Variants in RILPL1 observed in about 807,000 individuals in gnomAD.
RILPL1 encodes Rab interacting lysosomal protein like 1, also known as RILP-like protein 1.
In RILPL1, 33 loss-of-function variants were observed where a neutral mutation model predicts 50.3. The observed-to-expected ratio is 0.66, with a 90% CI of 0.50 to 0.88. RILPL1 has a LOEUF of 0.88. Among genes scored for constraint, RILPL1 ranks in the 40% least tolerant of loss-of-function variants. RILPL1 has a pLI of 0.00. For synonymous variants in RILPL1, 205 were observed against 228.6 expected (o/e 0.90, Z 0.93); for missense variants, 418 against 542.5 (o/e 0.77, Z 2.28).
At chr12:123,490,014 C>T (rs1312414054) in intron 4 of RILPL1, among the ~76,000 whole-genome samples, 2 of 152,182 alleles carry the variant, frequency 1.3e-5, no homozygotes, top group African/African-American at 2.4e-5. Flanking sequence ...TGGGCTGTTT[C>T]CGAGCAGCAG....
rs528363551 is a variant in RILPL1 at position 123,499,726 on chromosome 12, G to A, written c.461-190C>T. 3.3e-5 allele frequency among the ~76,000 whole-genome samples: 5 copies of A among 151,772 alleles called. No individual in the cohort carries two copies. In the East Asian group the frequency reaches 7.8e-4, roughly 24 times the overall value. Reference sequence around the variant, plus strand: ...TGCTTTCTATTCCTTGATTCCCCCCGAGGTCATTCCCACCTTGAGGCCTCT... The same window carrying A: ...TGCTTTCTATTCCTTGATTCCCCCCAAGGTCATTCCCACCTTGAGGCCTCT... On this transcript the variant is annotated intron_variant, in intron 2 of 6. Coordinates refer to ENST00000376874, the MANE Select transcript of RILPL1 (RefSeq NM_178314.5).
intron 4 of RILPL1, among the ~76,000 whole-genome samples, chr12:123,488,019 G>A (rs1245503781): frequency 1.3e-5 from 2 of 152,112 alleles, no homozygotes; most frequent in Admixed American, 1.3e-4. Context: ...GGAATGGAGT[G>A]TCCCCAACAC....
At chr12:123,495,932 T>TG (rs1305085520) in intron 4 of RILPL1, among the ~76,000 whole-genome samples, 4 of 151,442 alleles carry the variant, frequency 2.6e-5, no homozygotes, top group Non-Finnish European at 5.9e-5. Flanking sequence ...CGGCCTGCCT[T>TG]GGCCTCCCAA....
chr12:123,505,471 C>T (rs980873365), intron 2 of RILPL1, among the ~76,000 whole-genome samples: 33 of 152,050 alleles, frequency 2.2e-4, no homozygotes, highest in African/African-American at 7.5e-4. Context: ...CCACTGCGTG[C>T]ACCACCACAC....
rs1246409694 is a variant in RILPL1 at position 123,523,589 on chromosome 12, C to T, written c.366G>A (p.Gln122=). ...TGTTCTCCTCCTGCAGCTGGGCGAT[C>T]TGGGAGAGGAGGTCCTGCGCCTCCC... ...WRGEAQDLLS[Q]IAQLQEENKQ... is the part of the protein sequence containing the mutation. Residue 122 remains glutamine, a synonymous_variant, in exon 2 of 7, where the codon CAG becomes CAA. Coordinates refer to ENST00000376874, the MANE Select transcript of RILPL1 (RefSeq NM_178314.5). The T allele has an allele frequency of 1.9e-6, 3 of 1,613,890 alleles. No homozygotes were observed. The highest frequency in any genetic ancestry group is 1.1e-5 in the South Asian group (1 of 91,092).
At chr12:123,512,898 G>C (rs1884447081) in intron 2 of RILPL1, among the ~76,000 whole-genome samples, 1 of 122,678 alleles carries the variant, frequency 8.2e-6, no homozygotes, top group Admixed American at 8.0e-5. Flanking sequence ...GGTGTGTGCA[G>C]TGTGAGTGCG....
chr12:123,521,832 C>T (rs111380103), intron 2 of RILPL1, among the ~76,000 whole-genome samples: 7,552 of 150,678 alleles, frequency 0.05, 239 homozygotes, highest in South Asian at 0.11. Context: ...GAGTGCAGTG[C>T]TGCGATCTCA....
chr12:123,498,291 T>C lies in RILPL1; in HGVS notation c.801+253A>G, dbSNP rs1216305091. On this transcript the variant is annotated intron_variant, in intron 4 of 6. Coordinates refer to ENST00000376874, the MANE Select transcript of RILPL1 (RefSeq NM_178314.5). The surrounding 1 kb of genome is among the most constrained non-coding windows in gnomAD (Gnocchi z 4.3). Reference sequence around the variant, plus strand: ...AGCGCAGTTGTGCAATCATGGCTCATTGCAGCCTTGAACTCCTGGGCTCAA... The same window carrying C: ...AGCGCAGTTGTGCAATCATGGCTCACTGCAGCCTTGAACTCCTGGGCTCAA... Among the ~76,000 whole-genome samples, 1 of 151,818 alleles carries C rather than the reference T, an allele frequency of 6.6e-6. No homozygotes were observed. Among genetic ancestry groups the C allele is most frequent in the African/African-American group, 2.4e-5 (1 of 41,312 alleles).
chr12:123,476,791 G>A (rs1881622569), intron 6 of RILPL1, among the ~76,000 whole-genome samples: 1 of 152,240 alleles, frequency 6.6e-6, no homozygotes, highest in Non-Finnish European at 1.5e-5. Flanking sequence ...CCCTGAGTCT[G>A]CAGTATTTTG....
chr12:123,521,680 TATATACACAC>T, intron 2 of RILPL1, among the ~76,000 whole-genome samples: 1 of 38,690 alleles, frequency 2.6e-5, no homozygotes, highest in Non-Finnish European at 4.8e-5. Flanking sequence ...TAAATATATA[TATATACACAC>T]ATATATGTAT....
intron 4 of RILPL1, among the ~76,000 whole-genome samples, chr12:123,494,637 A>T (rs1882917621): frequency 6.6e-6 from 1 of 152,192 alleles, no homozygotes; most frequent in Non-Finnish European, 1.5e-5. Flanking sequence ...CACTAGGAGC[A>T]GGGAGCAGGG....
Position 123,519,131 on chromosome 12 carries a change from A to C in RILPL1, c.460+4364T>G, listed in dbSNP as rs927021117. ...TACTTTTTTGAATGTGCCAAGTAGA[A>C]GAATGACAATGACTTCTCTTTTGTT... is the stretch of plus-strand genomic sequence containing the variant. On this transcript the variant is annotated intron_variant, in intron 2 of 6. Transcript: ENST00000376874. Among the ~76,000 whole-genome samples the C allele has an allele frequency of 3.9e-5, 6 of 152,036 alleles. No homozygotes were observed. The East Asian group carries it at 1.2e-3, about 29-fold the overall frequency.
intron 3 of RILPL1, among the ~76,000 whole-genome samples, 190 bp downstream of exon 3, chr12:123,499,225 TTTC>T (rs1883215328): frequency 6.6e-6 from 1 of 152,250 alleles, no homozygotes; most frequent in African/African-American, 2.4e-5. Flanking sequence ...CAGTGCCACG[TTTC>T]CTCCTGCTCT....
At position 123,533,316 on chromosome 12, in the gene RILPL1, T is replaced by C; in HGVS notation, c.167A>G (p.Lys56Arg). 1.3e-6 allele frequency: 2 copies of C among 1,584,320 alleles called. No individual in the cohort carries two copies. The highest frequency in any genetic ancestry group is 1.7e-6 in the Non-Finnish European group (2 of 1,168,832). ...CAGGATCTCCAGGACGCGCACGACCTTGGGCATGAGGCGCGCGATGGCCTC... is the reference window on the plus strand; with the variant it reads ...CAGGATCTCCAGGACGCGCACGACCCTGGGCATGAGGCGCGCGATGGCCTC... ...GCEAIARLMP[K>R]VVRVLEILEV... The change falls in exon 1 of 7, where the codon AAG becomes AGG. Residue 56 changes from lysine to arginine, a missense_variant. By Grantham distance (26) the Lys-to-Arg change is conservative (BLOSUM62 2). Coordinates refer to ENST00000376874, the MANE Select transcript of RILPL1 (RefSeq NM_178314.5). This position sits in a 1 kb window ranked among gnomAD's most constrained non-coding sequence, Gnocchi z 6.2.
intron 1 of RILPL1, among the ~76,000 whole-genome samples, chr12:123,525,944 CAAA>C (rs947867737): frequency 2.0e-5 from 3 of 146,592 alleles, no homozygotes; most frequent in Non-Finnish European, 4.5e-5. Flanking sequence ...AACAAACAAA[CAAA>C]AAAACGGTAC....
chr12:123,500,482 G>A lies in RILPL1; in HGVS notation c.461-946C>T, dbSNP rs543771653. 3.7e-3 allele frequency among the ~76,000 whole-genome samples: 557 copies of A among 148,584 alleles called. 5 individuals are homozygous for A. The highest frequency in any genetic ancestry group is 0.013 in the African/African-American group (513 of 40,468). On this transcript the variant is annotated intron_variant, in intron 2 of 6. Coordinates refer to ENST00000376874, the MANE Select transcript of RILPL1 (RefSeq NM_178314.5). ...GTATTTTTAGTAGAGACAGGGTTTT[G>A]CCATGTTGACCAGGCTGGTCTCAAA...
intron 2 of RILPL1, among the ~76,000 whole-genome samples, chr12:123,504,878 G>C (rs1006691203): frequency 1.9e-4 from 29 of 152,116 alleles, no homozygotes; most frequent in African/African-American, 6.3e-4. Flanking sequence ...TGTCACCAGG[G>C]CACGAGATGC....
Position 123,485,094 on chromosome 12 carries a change from C to G in RILPL1, c.974+539G>C, listed in dbSNP as rs1359335444. ...CTGGTGCATGGGTCCTTCCTTCCAGCTTTCTATTCAACAGATATTTGTTGT... is the reference window on the plus strand; with the variant it reads ...CTGGTGCATGGGTCCTTCCTTCCAGGTTTCTATTCAACAGATATTTGTTGT... On this transcript the variant is annotated intron_variant, in intron 5 of 6. Coordinates refer to ENST00000376874, the MANE Select transcript of RILPL1 (RefSeq NM_178314.5). This position sits in a 1 kb window ranked among gnomAD's most constrained non-coding sequence, Gnocchi z 4.0. The G allele has an allele frequency of 2.2e-6, 1 of 452,092 alleles. No individual in the cohort carries two copies. The highest frequency in any genetic ancestry group is 1.6e-5 in the South Asian group (1 of 64,484). 28.0% of individuals were successfully genotyped at this position (452,092 alleles called of 1,614,324 possible). A position where few individuals can be genotyped will look rare whatever the true frequency, so the allele number is the denominator to read the frequency against.
chr12:123,476,437 A>G (rs1457447402), intron 6 of RILPL1, among the ~76,000 whole-genome samples: 1 of 149,108 alleles, frequency 6.7e-6, no homozygotes, highest in Non-Finnish European at 1.5e-5. Flanking sequence ...GCAAAACTCC[A>G]TCTCAAGAAA....
Sources: gnomAD v4.1 joint callset for allele counts (sites outside exome capture counted in the v4.1 genomes callset) on GRCh38, gnomAD v4.1.1 for gene constraint, Gnocchi (gnomAD v3.1) non-coding constraint, MANE v1.5 for transcripts, NCBI Gene and HGNC (gene_info 2026-07-23, HGNC 2026-07-21) for gene names.